The following TAS1R2 variants were observed in gnomAD, a reference collection of about 807,000 sequenced individuals.
TAS1R2 encodes the protein taste 1 receptor member 2.
TAS1R2 carries 47 observed loss-of-function variants against 49.3 expected under a neutral mutation model. The ratio of observed to expected loss-of-function variants is 0.95; its 90% CI spans 0.75 to 1.22. The LOEUF (loss-of-function observed/expected upper bound fraction) is 1.22, where lower values mean the gene tolerates loss of function less well. TAS1R2 is among the 50% of genes most tolerant of loss of function. The pLI, the probability that TAS1R2 is intolerant of heterozygous loss-of-function variation, is 0.00. For synonymous variants in TAS1R2, 479 were observed against 467.9 expected (o/e 1.02, Z -0.31); for missense variants, 1,155 against 1,122.1 (o/e 1.03, Z -0.42).
rs536515901 is a variant in TAS1R2, at chr1:18,854,925, C to T, written c.545G>A (p.Arg182His). The T allele has an allele frequency of 5.2e-5, 84 of 1,610,822 alleles. No individual in the cohort carries two copies. Among genetic ancestry groups the T allele is most frequent in the East Asian group, 2.9e-4 (13 of 44,764 alleles). Reference sequence around the variant, plus strand: ...GTGGTGGTCGGCGCTGGGTGTGGTACGCAGCAAAGCCGGGAAGCGCACCTT... The same window carrying T: ...GTGGTGGTCGGCGCTGGGTGTGGTATGCAGCAAAGCCGGGAAGCGCACCTT... The change falls in exon 3 of 6, where the codon CGT (arginine) becomes CAT (histidine). Residue 182 changes from arginine to histidine, a missense_variant. By Grantham distance (29) the Arg-to-His change is conservative. Coordinates refer to ENST00000375371, the Ensembl canonical transcript of TAS1R2. The surrounding 1 kb of genome is among the most constrained non-coding windows in gnomAD (Gnocchi z 4.9).
chr1:18,847,394 A>T (rs1461854238), intron 4 of TAS1R2, among the ~76,000 whole-genome samples: 1 of 70,716 alleles, frequency 1.4e-5, no homozygotes, highest in African/African-American at 4.2e-5. Context: ...AGTCTGTGAT[A>T]CTTTGTGAGG....
At chr1:18,859,258 TCA>T (rs1934196955) in intron 1 of TAS1R2, among the ~76,000 whole-genome samples, 1 of 152,164 alleles carries the variant, frequency 6.6e-6, no homozygotes, top group Admixed American at 6.5e-5. Context: ...GACCCCAGTC[TCA>T]GTGTTTCAGA....
At chr1:18,852,147 G>A (rs1406857985) in intron 3 of TAS1R2, among the ~76,000 whole-genome samples, 1 of 152,192 alleles carries the variant, frequency 6.6e-6, no homozygotes, top group African/African-American at 2.4e-5. Context: ...GGAGGTGTGG[G>A]GAATAGCCAA....
At chr1:18,848,232 G>A (rs965196315) in intron 4 of TAS1R2, among the ~76,000 whole-genome samples, 1 of 152,068 alleles carries the variant, frequency 6.6e-6, no homozygotes, top group Non-Finnish European at 1.5e-5. Flanking sequence ...GCCTCAGACA[G>A]GTCACACAAC....
rs75064024 is a variant in TAS1R2, at chr1:18,849,198, C to T, written c.1467+143G>A. 10,307 of 893,042 alleles carry T rather than the reference C, an allele frequency of 0.012. 544 individuals are homozygous for T. The African/African-American group carries it at 0.13, about 11-fold the overall frequency. The allele number at this position is 893,042 out of a possible 1,614,324, so 55.3% of individuals were successfully genotyped here. A position where few individuals can be genotyped will look rare whatever the true frequency, so the allele number is the denominator to read the frequency against. On this transcript the variant is annotated intron_variant, in intron 4 of 5. Coordinates refer to ENST00000375371, the Ensembl canonical transcript of TAS1R2. ...AATGGGGGAAGGAAAGGACCCCAGA[C>T]GATACACCCACAAATAGACATCCCC... is the stretch of plus-strand genomic sequence containing the variant.
At chr1:18,859,403 C>T in intron 1 of TAS1R2, 76 bp downstream of exon 1, 1 of 1,567,008 alleles carries the variant, frequency 6.4e-7, no homozygotes. Context: ...GGTCTGGCTC[C>T]CAAGGACCCA....
At position 18,857,330 on chromosome 1, in the gene TAS1R2, C is replaced by T. The variant is rs780861601; in HGVS notation, c.483+1G>A. On this transcript the variant is annotated splice_donor_variant, in intron 2 of 5. Transcript: ENST00000375371. LOFTEE classifies it high-confidence loss of function. ...CCTTCTCCAGGGCCCAGGGGCCTCA[C>T]CTGTGGAAGGAGAAATAGGGAGAGG... 6 of 1,613,076 alleles carry T rather than the reference C, an allele frequency of 3.7e-6. No individual in the cohort carries two copies. In the South Asian group the frequency reaches 6.6e-5, roughly 18 times the overall value.
chr1:18,841,634 G>A (rs962368463), intron 5 of TAS1R2, 95 bp downstream of exon 5: 2 of 1,502,176 alleles, frequency 1.3e-6, no homozygotes, highest in Admixed American at 1.9e-5. Context: ...GGGTACTCCA[G>A]AGACCCTGCC....
At chr1:18,857,492 C>T in exon 2 of TAS1R2, 1 of 1,614,194 alleles carries the variant, frequency 6.2e-7, no homozygotes, top group Non-Finnish European at 8.5e-7. Flanking sequence ...ACCGGCTGGA[C>T]ATTGTTGGAG....
intron 4 of TAS1R2, among the ~76,000 whole-genome samples, chr1:18,849,031 C>A (rs951493087): frequency 6.6e-6 from 1 of 152,160 alleles, no homozygotes; most frequent in Non-Finnish European, 1.5e-5. Flanking sequence ...GGTTGGGGAC[C>A]ACTGCCCCAG....
chr1:18,858,719 C>A (rs894112750), intron 1 of TAS1R2, among the ~76,000 whole-genome samples: 10 of 152,214 alleles, frequency 6.6e-5, no homozygotes, highest in Non-Finnish European at 4.4e-5. Context: ...TACACCCCAC[C>A]ATGATCACAA....
At chr1:18,841,972 G>T in intron 4 of TAS1R2, 120 bp from the exon 5 acceptor site, 31 of 964,692 alleles carry the variant, frequency 3.2e-5, no homozygotes, top group Non-Finnish European at 3.4e-5. Context: ...AGGTTTTGGG[G>T]TGGAAACTGT....
intron 4 of TAS1R2, among the ~76,000 whole-genome samples, chr1:18,848,196 A>G (rs1278942663): frequency 6.6e-6 from 1 of 151,976 alleles, no homozygotes; most frequent in Non-Finnish European, 1.5e-5. Flanking sequence ...GTATATAGAG[A>G]ACCTCCACCA....
In TAS1R2 at chr1:18,842,542, G is replaced by T. The variant is rs138788164; in HGVS notation, c.1468-690C>A. On this transcript the variant is annotated intron_variant, in intron 4 of 5. Transcript: ENST00000375371. ...TCCCCAACAACAATGTAATGAAATAGAAATCAATAACAGAAGGAAGTTTGG... is the reference window on the plus strand; with the variant it reads ...TCCCCAACAACAATGTAATGAAATATAAATCAATAACAGAAGGAAGTTTGG... 2.0e-5 allele frequency among the ~76,000 whole-genome samples: 3 copies of T among 152,290 alleles called. No individual in the cohort carries two copies. The East Asian group carries it at 5.8e-4, about 29-fold the overall frequency.
At chr1:18,846,479 T>G (rs1933922213) in intron 4 of TAS1R2, among the ~76,000 whole-genome samples, 1 of 152,190 alleles carries the variant, frequency 6.6e-6, no homozygotes, top group African/African-American at 2.4e-5. Flanking sequence ...CTGGAATAAA[T>G]CTTCTGCACA....
At chr1:18,857,656 G>A in intron 1 of TAS1R2, 25 bp from the exon 2 acceptor site, 3 of 1,599,478 alleles carry the variant, frequency 1.9e-6, no homozygotes, top group Non-Finnish European at 2.6e-6. Flanking sequence ...GCATCATGAG[G>A]TGGAAGCAGA....
intron 2 of TAS1R2, among the ~76,000 whole-genome samples, chr1:18,856,577 C>T (rs1934139593): frequency 6.6e-6 from 1 of 152,206 alleles, no homozygotes; most frequent in Non-Finnish European, 1.5e-5. Flanking sequence ...AGCTGTATCC[C>T]AGCACCTACA....
intron 4 of TAS1R2, 130 bp from the exon 5 acceptor site, chr1:18,841,982 T>TACAA: frequency 1.2e-5 from 6 of 521,024 alleles, no homozygotes; most frequent in Non-Finnish European, 1.0e-5. Context: ...GTGGAAACTG[T>TACAA]AGAAAAAAAA....
exon 6 of TAS1R2, chr1:18,839,990 G>A (rs1569653869): frequency 1.2e-6 from 2 of 1,614,222 alleles, no homozygotes; most frequent in South Asian, 1.1e-5. Context: ...GGGGTCATCG[G>A]GGTCAGTACG....
Sources: gnomAD v4.1 joint callset for allele counts (sites outside exome capture counted in the v4.1 genomes callset) on GRCh38, gnomAD v4.1.1 for gene constraint, Gnocchi (gnomAD v3.1) non-coding constraint, MANE v1.5 for transcripts, NCBI Gene and HGNC (gene_info 2026-07-23, HGNC 2026-07-21) for gene names.